Variants in STXBP6 observed in about 807,000 individuals in gnomAD.
STXBP6 encodes syntaxin binding protein 6.
In STXBP6, 21 loss-of-function variants were observed where a neutral mutation model predicts 26.9. The observed-to-expected ratio is 0.78, with a 90% CI of 0.55 to 1.12. The LOEUF is 1.12. Ranked by LOEUF, STXBP6 falls within the 50% of genes most tolerant of loss-of-function variation. STXBP6 has a pLI of 0.00. For synonymous variants in STXBP6, 97 were observed against 92.6 expected (o/e 1.05, Z -0.27); for missense variants, 232 against 257.9 (o/e 0.90, Z 0.69).
chr14:24,821,223 A>G (rs1396535222), intron 4 of STXBP6, among the ~76,000 whole-genome samples: 1 of 152,206 alleles, frequency 6.6e-6, no homozygotes, highest in Non-Finnish European at 1.5e-5. Context: ...CTGCAACTTC[A>G]CCACTAGGAA....
In STXBP6 at chr14:24,810,552, CA is replaced by C. The variant is rs1346354720; in HGVS notation, c.*2156del. On this transcript the variant is annotated 3_prime_UTR_variant, in exon 6 of 6. Coordinates refer to ENST00000323944, the MANE Select transcript of STXBP6 (RefSeq NM_001394410.1). ...GCTTTCTTCTAATTCAGGCTATTTC[CA>C]ATGAAACTTAGGTCTAAAAGGATAA... 6.6e-6 allele frequency: 1 copy of C among 152,098 alleles called. No individual in the cohort carries two copies. The highest frequency in any genetic ancestry group is 1.5e-5 in the Non-Finnish European group (1 of 68,036). The allele number at this position is 152,098 out of a possible 1,614,324, so 9.4% of individuals were successfully genotyped here.
chr14:24,863,287 AT>A (rs902996581), intron 2 of STXBP6, among the ~76,000 whole-genome samples: 4 of 151,486 alleles, frequency 2.6e-5, no homozygotes, highest in African/African-American at 9.7e-5. Flanking sequence ...GAGGGAATGA[AT>A]TTTTTTTTAA....
At chr14:24,843,391 T>C (rs1325894364) in intron 4 of STXBP6, among the ~76,000 whole-genome samples, 1 of 152,178 alleles carries the variant, frequency 6.6e-6, no homozygotes, top group African/African-American at 2.4e-5. Flanking sequence ...CATTAACTCC[T>C]GTGTCCAGGG....
At chr14:25,033,945 C>A (rs1378548504) in intron 1 of STXBP6, among the ~76,000 whole-genome samples, 1 of 152,160 alleles carries the variant, frequency 6.6e-6, no homozygotes, top group Non-Finnish European at 1.5e-5. Context: ...GTATATGGCC[C>A]TGCAGGATTT....
At chr14:24,955,147 T>C (rs1273691423) in intron 2 of STXBP6, among the ~76,000 whole-genome samples, 1 of 152,190 alleles carries the variant, frequency 6.6e-6, no homozygotes, top group Non-Finnish European at 1.5e-5. Flanking sequence ...GCTCAGGTAT[T>C]GGTCTATAGA....
intron 4 of STXBP6, among the ~76,000 whole-genome samples, chr14:24,843,598 T>G (rs1263649677): frequency 6.6e-6 from 1 of 152,208 alleles, no homozygotes; most frequent in Non-Finnish European, 1.5e-5. Flanking sequence ...CAAGCATTAG[T>G]ATTCTGTTTA....
At chr14:24,993,574 T>C (rs1179346507) in intron 1 of STXBP6, among the ~76,000 whole-genome samples, 2 of 152,200 alleles carry the variant, frequency 1.3e-5, no homozygotes, top group Non-Finnish European at 2.9e-5. Context: ...GAGTTACTTT[T>C]CTGAAATGCC....
intron 2 of STXBP6, among the ~76,000 whole-genome samples, chr14:24,921,952 AC>A (rs2071994509): frequency 6.6e-6 from 1 of 151,412 alleles, no homozygotes; most frequent in Non-Finnish European, 1.5e-5. Context: ...TTGGTAATAC[AC>A]CCAGTGGACT....
chr14:24,962,582 C>A (rs2073586045), intron 2 of STXBP6, among the ~76,000 whole-genome samples: 1 of 152,056 alleles, frequency 6.6e-6, no homozygotes, highest in Admixed American at 6.6e-5. Context: ...CCCGCCTCAG[C>A]CTCCCAAAGT....
At chr14:25,029,392 G>T (rs2075408957) in intron 1 of STXBP6, among the ~76,000 whole-genome samples, 1 of 152,154 alleles carries the variant, frequency 6.6e-6, no homozygotes. Flanking sequence ...TGAAGATTCA[G>T]ATGATCATTG....
chr14:24,838,268 C>T (rs1413940117), intron 4 of STXBP6, among the ~76,000 whole-genome samples: 1 of 152,160 alleles, frequency 6.6e-6, no homozygotes, highest in Admixed American at 6.5e-5. Context: ...AACTCGGCCT[C>T]CCAAAATGCT....
At chr14:25,043,222 C>A (rs184601961) in intron 1 of STXBP6, among the ~76,000 whole-genome samples, 4 of 152,256 alleles carry the variant, frequency 2.6e-5, no homozygotes, top group African/African-American at 4.8e-5. Context: ...GGAACAAAAC[C>A]CTTTTAATTC....
intron 2 of STXBP6, among the ~76,000 whole-genome samples, chr14:24,876,871 A>G (rs1283325216): frequency 6.6e-6 from 1 of 152,248 alleles, no homozygotes; most frequent in Non-Finnish European, 1.5e-5. Flanking sequence ...TTTTGGCACT[A>G]TAATTTAACA....
intron 1 of STXBP6, among the ~76,000 whole-genome samples, chr14:24,993,357 C>T (rs538168247): frequency 6.6e-6 from 1 of 152,174 alleles, no homozygotes; most frequent in Non-Finnish European, 1.5e-5. Flanking sequence ...CCTTTATTCT[C>T]ACTGATCCCC....
chr14:24,907,271 C>T (rs192357051), intron 2 of STXBP6, among the ~76,000 whole-genome samples: 6 of 152,040 alleles, frequency 3.9e-5, no homozygotes, highest in Non-Finnish European at 7.4e-5. Context: ...ATAACACATA[C>T]CCCAGAAATC....
At chr14:25,000,729 C>T (rs1194834438) in intron 1 of STXBP6, among the ~76,000 whole-genome samples, 1 of 150,200 alleles carries the variant, frequency 6.7e-6, no homozygotes, top group Non-Finnish European at 1.5e-5. Flanking sequence ...TAACATAGGA[C>T]ACAAGACCCC....
intron 1 of STXBP6, among the ~76,000 whole-genome samples, chr14:24,984,002 G>A (rs2074265285): frequency 6.6e-6 from 1 of 152,198 alleles, no homozygotes; most frequent in Admixed American, 6.5e-5. Context: ...GAGAGGCCAA[G>A]GTGGGTGGAT....
chr14:25,024,787 G>C (rs1209155498), intron 1 of STXBP6, among the ~76,000 whole-genome samples: 1 of 152,130 alleles, frequency 6.6e-6, no homozygotes, highest in Non-Finnish European at 1.5e-5. Context: ...ATTCAGTAGA[G>C]GGCAGGTTGG....
intron 1 of STXBP6, among the ~76,000 whole-genome samples, chr14:25,009,542 A>T: frequency 6.6e-6 from 1 of 152,188 alleles, no homozygotes; most frequent in East Asian, 1.9e-4. Flanking sequence ...CTCCTCCCTC[A>T]GTGAAACAGA....
Sources: allele counts gnomAD v4.1 joint callset (sites outside exome capture counted in the v4.1 genomes callset), GRCh38; gene constraint gnomAD v4.1.1; transcripts MANE v1.5; gene names NCBI Gene and HGNC (gene_info 2026-07-23, HGNC 2026-07-21).